The following TMEM229B variants were observed in gnomAD, a reference collection of about 807,000 sequenced individuals.
The protein encoded by TMEM229B is transmembrane protein 229B.
A neutral mutation model predicts 13.7 loss-of-function variants in TMEM229B; 6 were observed. That is an observed-to-expected ratio of 0.44 (90% CI 0.24 to 0.86). The LOEUF is 0.86. Among genes scored for constraint, TMEM229B ranks in the 40% least tolerant of loss-of-function variants. TMEM229B has a pLI of 0.23. For missense variants in TMEM229B, 170 were observed against 236.0 expected, an observed-to-expected ratio of 0.72 and a Z score of 1.83; for synonymous variants, 107 against 102.1, an observed-to-expected ratio of 1.05 and a Z score of -0.29.
At chr14:67,508,168 G>T (rs1050528857) in intron 1 of TMEM229B, among the ~76,000 whole-genome samples, 4 of 148,168 alleles carry the variant, frequency 2.7e-5, no homozygotes, top group Non-Finnish European at 4.4e-5. Flanking sequence ...ACTGGTCCTA[G>T]TCCCCCTTCT....
At chr14:67,528,143 T>G (rs1359385159) in intron 1 of TMEM229B, among the ~76,000 whole-genome samples, 1 of 152,154 alleles carries the variant, frequency 6.6e-6, no homozygotes, top group Non-Finnish European at 1.5e-5. Context: ...AGACTTTCCT[T>G]TCTCTTGGCT....
At chr14:67,507,998 C>T (rs925787693) in intron 1 of TMEM229B, among the ~76,000 whole-genome samples, 6 of 152,092 alleles carry the variant, frequency 3.9e-5, no homozygotes, top group South Asian at 2.1e-4. Context: ...ATTAGCCGGA[C>T]GTGGGGGCGC....
chr14:67,505,020 A>C (rs1417907046), intron 1 of TMEM229B, among the ~76,000 whole-genome samples: 1 of 152,232 alleles, frequency 6.6e-6, no homozygotes, highest in Non-Finnish European at 1.5e-5. Context: ...ACATCCAGTC[A>C]AAGCAGCTAT....
intron 1 of TMEM229B, among the ~76,000 whole-genome samples, chr14:67,505,208 A>G (rs2032774820): frequency 6.6e-6 from 1 of 152,136 alleles, no homozygotes; most frequent in African/African-American, 2.4e-5. Flanking sequence ...AGAGGGTCAG[A>G]ATGGGCAGAG....
At chr14:67,532,217 A>C (rs904362481) in intron 1 of TMEM229B, among the ~76,000 whole-genome samples, 1 of 152,114 alleles carries the variant, frequency 6.6e-6, no homozygotes, top group Non-Finnish European at 1.5e-5. Flanking sequence ...CTTTAGTTAG[A>C]GATTCAGATT....
chr14:67,517,656 C>G (rs1555398), upstream of TMEM229B, among the ~76,000 whole-genome samples: 60,137 of 151,722 alleles, frequency 0.4, 12,906 homozygotes, highest in East Asian at 0.48. Flanking sequence ...AACTCCATGA[C>G]CTGGGTTTTC....
At chr14:67,529,253 C>T (rs554533184) in intron 1 of TMEM229B, among the ~76,000 whole-genome samples, 1 of 152,284 alleles carries the variant, frequency 6.6e-6, no homozygotes, top group East Asian at 1.9e-4. Flanking sequence ...GGCTCCCATA[C>T]CCACAGGTAT....
chr14:67,502,168 T>C (rs1486768714), intron 1 of TMEM229B, among the ~76,000 whole-genome samples: 1 of 151,824 alleles, frequency 6.6e-6, no homozygotes, highest in Non-Finnish European at 1.5e-5. Flanking sequence ...CCCTGTCTAC[T>C]AAAAATACAA....
At chr14:67,489,459 G>C (rs970098800), upstream of TMEM229B, among the ~76,000 whole-genome samples, 1 of 152,206 alleles carries the variant, frequency 6.6e-6, no homozygotes, top group Non-Finnish European at 1.5e-5. Flanking sequence ...TGCAGCTTCT[G>C]GTCAATATGC....
At chr14:67,510,361 C>T (rs1011818914) in intron 1 of TMEM229B, among the ~76,000 whole-genome samples, 3 of 152,122 alleles carry the variant, frequency 2.0e-5, no homozygotes, top group African/African-American at 7.2e-5. Flanking sequence ...TTCCTGAAGC[C>T]TTTGCCAACC....
intron 1 of TMEM229B, among the ~76,000 whole-genome samples, chr14:67,521,948 G>A (rs1270240433): frequency 2.0e-5 from 3 of 152,118 alleles, no homozygotes; most frequent in South Asian, 2.1e-4. Flanking sequence ...AGGCTGAGGC[G>A]GGTGGATCAC....
chr14:67,508,757 A>AAAAAAAAAAAAAAAAC, intron 1 of TMEM229B, among the ~76,000 whole-genome samples: 1 of 149,154 alleles, frequency 6.7e-6, no homozygotes, highest in African/African-American at 2.4e-5. Flanking sequence ...TTGTCTCAAA[A>AAAAAAAAAAAAAAAAC]AAAAAAAAAA....
intron 1 of TMEM229B, among the ~76,000 whole-genome samples, chr14:67,533,103 T>G (rs967181312): frequency 6.6e-6 from 1 of 152,104 alleles, no homozygotes; most frequent in Non-Finnish European, 1.5e-5. Flanking sequence ...CCTGGAGAGC[T>G]GAGCCCAGCG....
intron 1 of TMEM229B, among the ~76,000 whole-genome samples, chr14:67,504,669 G>A (rs1309622225): frequency 1.3e-5 from 2 of 152,220 alleles, no homozygotes; most frequent in East Asian, 1.9e-4. Flanking sequence ...GGTGGATCAC[G>A]AGGTCAGGAG....
intron 2 of TMEM229B, among the ~76,000 whole-genome samples, chr14:67,486,645 G>A (rs2031899138): frequency 2.6e-5 from 4 of 152,132 alleles, no homozygotes; most frequent in Non-Finnish European, 5.9e-5. Flanking sequence ...CTTGTAATAT[G>A]TGACTTGCTT....
chr14:67,503,934 C>G (rs1448375099), intron 1 of TMEM229B, among the ~76,000 whole-genome samples: 6 of 152,010 alleles, frequency 3.9e-5, no homozygotes, highest in Admixed American at 3.9e-4. Context: ...GAACTCCTGA[C>G]CTCGTGATCT....
At chr14:67,524,533 G>A (rs916176261) in intron 1 of TMEM229B, among the ~76,000 whole-genome samples, 2 of 152,092 alleles carry the variant, frequency 1.3e-5, no homozygotes, top group Non-Finnish European at 2.9e-5. Flanking sequence ...AGAACCTCCT[G>A]CAGTCCGACC....
At chr14:67,480,662 G>T (rs554272688) in intron 2 of TMEM229B, among the ~76,000 whole-genome samples, 1 of 152,142 alleles carries the variant, frequency 6.6e-6, no homozygotes, top group Non-Finnish European at 1.5e-5. Flanking sequence ...TGACCTGCAC[G>T]TATCCCCCTG....
At chr14:67,510,307 G>A (rs2032984308) in intron 1 of TMEM229B, among the ~76,000 whole-genome samples, 1 of 152,328 alleles carries the variant, frequency 6.6e-6, no homozygotes, top group African/African-American at 2.4e-5. Context: ...GCTGTCCAAG[G>A]TCACACAAGT....
Sources: allele counts gnomAD v4.1 joint callset (sites outside exome capture counted in the v4.1 genomes callset), GRCh38; gene constraint gnomAD v4.1.1; transcripts MANE v1.5; gene names NCBI Gene and HGNC (gene_info 2026-07-23, HGNC 2026-07-21).